SYTL3: variants seen among roughly 807,000 people sequenced by gnomAD.
The protein encoded by SYTL3 is synaptotagmin-like protein 3.
SYTL3 carries 88 observed loss-of-function variants against 82.1 expected under a neutral mutation model. That is an observed-to-expected ratio of 1.07 (90% CI 0.90 to 1.28). The LOEUF (loss-of-function observed/expected upper bound fraction) is 1.28. Among genes scored for constraint, SYTL3 ranks in the 50% most tolerant of loss-of-function variants. SYTL3 has a pLI of 0.00. For missense variants in SYTL3, 831 were observed against 757.6 expected (o/e 1.10, Z -1.14); for synonymous variants, 311 against 289.4 (o/e 1.07, Z -0.76).
At chr6:158,741,261 G>C (rs774965591) in intron 11 of SYTL3, among the ~76,000 whole-genome samples, 39 of 152,120 alleles carry the variant, frequency 2.6e-4, no homozygotes, top group Non-Finnish European at 2.1e-4. Flanking sequence ...GTAGAGACAG[G>C]GTTTCACCAT....
chr6:158,739,363 T>C (rs1267946036), intron 11 of SYTL3, among the ~76,000 whole-genome samples: 4 of 152,212 alleles, frequency 2.6e-5, no homozygotes, highest in African/African-American at 9.6e-5. Flanking sequence ...CTCTTTGTCT[T>C]TGATTTTAAG....
intron 2 of SYTL3, among the ~76,000 whole-genome samples, chr6:158,652,608 G>A (rs538066401): frequency 7.2e-5 from 11 of 151,976 alleles, no homozygotes; most frequent in Admixed American, 5.2e-4. Context: ...GCAATGGCGC[G>A]ATCTCAGCTC....
At chr6:158,651,399 T>C (rs958672979) in intron 1 of SYTL3, among the ~76,000 whole-genome samples, 3 of 152,054 alleles carry the variant, frequency 2.0e-5, no homozygotes. Flanking sequence ...GAGATCATCC[T>C]GGCCAACATG....
Position 158,708,357 on chromosome 6 carries a change from T to A in SYTL3, c.482T>A (p.Val161Asp). ...GTGGTTCCTCCTACTCCACCTCCTG[T>A]CAGCGAGAGCCAGTGCAGCCGCAGT... is the stretch of plus-strand genomic sequence containing the variant. ...ISVVPPTPPP[V>D]SESQCSRSPG... The change falls in exon 8 of 18, where the codon GTC (valine) becomes GAC (aspartate). Residue 161 changes from valine to aspartate, a missense_variant. Coordinates refer to ENST00000611299, the MANE Select transcript of SYTL3 (RefSeq NM_001242394.2). 1 of 1,614,190 alleles carries A rather than the reference T, an allele frequency of 6.2e-7. No homozygotes were observed. The highest frequency in any genetic ancestry group is 8.5e-7 in the Non-Finnish European group (1 of 1,180,024).
At chr6:158,663,615 G>A (rs1789639295) in intron 4 of SYTL3, 1 of 985,094 alleles carries the variant, frequency 1.0e-6, no homozygotes, top group Non-Finnish European at 1.2e-6. Flanking sequence ...TTAAAACGGT[G>A]CCTTTGGGCG....
chr6:158,678,743 G>T (rs944958108), intron 5 of SYTL3, among the ~76,000 whole-genome samples: 1 of 152,112 alleles, frequency 6.6e-6, no homozygotes, highest in African/African-American at 2.4e-5. Flanking sequence ...GTCAGTCATG[G>T]GTCAGGTCTC....
chr6:158,647,797 A>G (rs751997411), upstream of SYTL3, among the ~76,000 whole-genome samples: 1 of 152,268 alleles, frequency 6.6e-6, no homozygotes, highest in Non-Finnish European at 1.5e-5. Flanking sequence ...GCAGTAAGTC[A>G]GTGGAGTGAA....
At chr6:158,644,940 T>G in the SYTL3 span, among the ~76,000 whole-genome samples, 1 of 152,238 alleles carries the variant, frequency 6.6e-6, no homozygotes, top group Non-Finnish European at 1.5e-5. Flanking sequence ...GGTGGTAGTT[T>G]CCATGGGAAT....
In SYTL3 at chr6:158,656,496, C is replaced by T. The variant is rs185784911; in HGVS notation, c.-637+4654C>T. Among the ~76,000 whole-genome samples, 16 of 152,278 alleles carry T rather than the reference C, an allele frequency of 1.1e-4. No individual in the cohort carries two copies. In the East Asian group the frequency reaches 1.2e-3, roughly 11 times the overall value. On this transcript the variant is annotated intron_variant, in intron 2 of 17. Coordinates refer to ENST00000611299, the MANE Select transcript of SYTL3 (RefSeq NM_001242394.2). ...ATCCCAGCACTTTGGGAGGCTGAGG[C>T]GGGCAGATCACGAGGTCAGGAGATC...
At chr6:158,764,357 G>GCGT in intron 17 of SYTL3, 138 bp from the exon 18 acceptor site, 1 of 625,364 alleles carries the variant, frequency 1.6e-6, no homozygotes, top group South Asian at 1.9e-5. Flanking sequence ...GGTGGTGGCG[G>GCGT]CGTCTGTCAT....
intron 10 of SYTL3, among the ~76,000 whole-genome samples, chr6:158,720,406 CAAAA>C (rs10640552): frequency 1.6e-4 from 14 of 88,176 alleles, no homozygotes; most frequent in African/African-American, 5.9e-4. Flanking sequence ...AACTTTGTCT[CAAAA>C]AAAAAAAAAA....
rs776459724 is a variant in SYTL3, at chr6:158,682,922, C to T, written c.330-3C>T. ...GAAGCTTCCTTTCTGCTCATTTTTTCAGGAATGTCAAAATAAAAACTGGAG... is the reference window on the plus strand; with the variant it reads ...GAAGCTTCCTTTCTGCTCATTTTTTTAGGAATGTCAAAATAAAAACTGGAG... On this transcript the variant is annotated splice_polypyrimidine_tract_variant and splice_region_variant and intron_variant, in intron 5 of 17. Coordinates refer to ENST00000611299, the MANE Select transcript of SYTL3 (RefSeq NM_001242394.2). 3 of 1,611,664 alleles carry T rather than the reference C, an allele frequency of 1.9e-6. No individual in the cohort carries two copies. The South Asian group carries it at 3.3e-5, about 18-fold the overall frequency.
chr6:158,738,887 ACC>A (rs1786547062), intron 11 of SYTL3, among the ~76,000 whole-genome samples: 1 of 152,060 alleles, frequency 6.6e-6, no homozygotes, highest in Middle Eastern at 3.2e-3. Context: ...TGAACTCTTG[ACC>A]TCTAGCGATC....
intron 11 of SYTL3, among the ~76,000 whole-genome samples, chr6:158,734,897 T>C (rs1785932476): frequency 6.6e-6 from 1 of 152,234 alleles, no homozygotes; most frequent in Non-Finnish European, 1.5e-5. Flanking sequence ...GATCTTGTTA[T>C]GGAAGGTGCT....
At chr6:158,720,038 A>C (rs1285414563) in intron 10 of SYTL3, among the ~76,000 whole-genome samples, 1 of 152,274 alleles carries the variant, frequency 6.6e-6, no homozygotes, top group Admixed American at 6.5e-5. Context: ...GCAGTGAGCC[A>C]TGGTTGCACC....
intron 9 of SYTL3, among the ~76,000 whole-genome samples, chr6:158,716,954 T>C (rs899709240): frequency 1.3e-5 from 2 of 152,218 alleles, no homozygotes; most frequent in African/African-American, 4.8e-5. Flanking sequence ...TTTTTTAATA[T>C]TTTGGATATA....
intron 8 of SYTL3, among the ~76,000 whole-genome samples, chr6:158,710,431 C>G (rs1450669409): frequency 6.6e-6 from 1 of 151,902 alleles, no homozygotes; most frequent in African/African-American, 2.4e-5. Flanking sequence ...AAGGAGATCT[C>G]TTCCCTTAGG....
At chr6:158,757,785 CA>C (rs1789337997) in intron 14 of SYTL3, among the ~76,000 whole-genome samples, 1 of 152,228 alleles carries the variant, frequency 6.6e-6, no homozygotes. Context: ...CTTTCAACCC[CA>C]GGCACTCTCA....
chr6:158,704,258 C>T (rs1781691980), intron 6 of SYTL3, among the ~76,000 whole-genome samples: 1 of 152,236 alleles, frequency 6.6e-6, no homozygotes. Flanking sequence ...TGGCTGCTGT[C>T]ATAGGGCGGA....
Sources: allele counts gnomAD v4.1 joint callset (sites outside exome capture counted in the v4.1 genomes callset), GRCh38; gene constraint gnomAD v4.1.1; transcripts MANE v1.5; gene names NCBI Gene and HGNC (gene_info 2026-07-23, HGNC 2026-07-21).